Variants in SLX4IP observed in about 807,000 individuals in gnomAD.
SLX4IP encodes the protein protein SLX4IP.
Under a neutral mutation model 32.9 loss-of-function variants are expected in SLX4IP, and 34 were observed. That is an observed-to-expected ratio of 1.03 (90% CI 0.79 to 1.38). The LOEUF is 1.38. Among genes scored for constraint, SLX4IP ranks in the 40% most tolerant of loss-of-function variants. SLX4IP has a pLI of 0.00. For missense variants in SLX4IP, 444 were observed against 479.0 expected (o/e 0.93, Z 0.68); for synonymous variants, 172 against 171.7 (o/e 1.00, Z -0.01).
At chr20:10,616,137 T>C (rs1449826266) in intron 6 of SLX4IP, among the ~76,000 whole-genome samples, 1 of 152,168 alleles carries the variant, frequency 6.6e-6, no homozygotes, top group Non-Finnish European at 1.5e-5. Flanking sequence ...CCAAAGATTG[T>C]CGAGTCACCA....
intron 4 of SLX4IP, among the ~76,000 whole-genome samples, chr20:10,586,721 GA>G (rs1313574498): frequency 6.6e-6 from 1 of 151,928 alleles, no homozygotes; most frequent in Non-Finnish European, 1.5e-5. Flanking sequence ...TATTAGTAAT[GA>G]AAAAAGACAT....
chr20:10,546,551 A>G (rs1370187788), intron 2 of SLX4IP, among the ~76,000 whole-genome samples: 4 of 151,866 alleles, frequency 2.6e-5, no homozygotes, highest in African/African-American at 9.7e-5. Flanking sequence ...AAAAAAAGAG[A>G]AAAGCAGCCA....
intron 2 of SLX4IP, among the ~76,000 whole-genome samples, chr20:10,538,007 G>A (rs2066063757): frequency 6.6e-6 from 1 of 152,158 alleles, no homozygotes; most frequent in Non-Finnish European, 1.5e-5. Context: ...AGCTGGCCAG[G>A]TGATGAATCA....
intron 1 of SLX4IP, among the ~76,000 whole-genome samples, chr20:10,438,634 T>C (rs1294118817): frequency 6.6e-6 from 1 of 151,742 alleles, no homozygotes; most frequent in Non-Finnish European, 1.5e-5. Context: ...TCCTTCACCA[T>C]GCCCAGCTAA....
At chr20:10,449,759 C>T (rs1568685867) in intron 1 of SLX4IP, among the ~76,000 whole-genome samples, 1 of 152,096 alleles carries the variant, frequency 6.6e-6, no homozygotes, top group Non-Finnish European at 1.5e-5. Flanking sequence ...CTAAAATATT[C>T]AGAATATAGA....
At chr20:10,601,327 A>G (rs1282484525) in intron 5 of SLX4IP, among the ~76,000 whole-genome samples, 1 of 152,218 alleles carries the variant, frequency 6.6e-6, no homozygotes, top group Non-Finnish European at 1.5e-5. Flanking sequence ...AAACATTGAT[A>G]GGTCACATTT....
intron 2 of SLX4IP, among the ~76,000 whole-genome samples, chr20:10,469,864 C>T (rs2122360579): frequency 6.6e-6 from 1 of 152,310 alleles, no homozygotes; most frequent in East Asian, 1.9e-4. Context: ...CATCCCTAGC[C>T]TTTTATGAAT....
chr20:10,486,098 T>C (rs1260501137), intron 2 of SLX4IP, among the ~76,000 whole-genome samples: 1 of 152,132 alleles, frequency 6.6e-6, no homozygotes, highest in Non-Finnish European at 1.5e-5. Flanking sequence ...GGGTTAACTG[T>C]ATATTCAAGA....
At chr20:10,613,594 G>T (rs2066992970) in intron 6 of SLX4IP, 2 of 1,613,122 alleles carry the variant, frequency 1.2e-6, no homozygotes, top group East Asian at 4.5e-5. Flanking sequence ...CCTTCATCAA[G>T]CCCCAACTCC....
chr20:10,602,151 C>T (rs2066849033), intron 6 of SLX4IP, among the ~76,000 whole-genome samples: 1 of 152,224 alleles, frequency 6.6e-6, no homozygotes, highest in African/African-American at 2.4e-5. Flanking sequence ...GCAAAATCCA[C>T]ATGTTTCCAC....
chr20:10,530,451 A>C (rs2065978963), intron 2 of SLX4IP, among the ~76,000 whole-genome samples: 1 of 152,212 alleles, frequency 6.6e-6, no homozygotes, highest in Non-Finnish European at 1.5e-5. Flanking sequence ...AGAGCATCAG[A>C]GGGTAGAAGA....
At chr20:10,456,937 G>A (rs1266910153) in intron 1 of SLX4IP, among the ~76,000 whole-genome samples, 3 of 151,982 alleles carry the variant, frequency 2.0e-5, no homozygotes, top group Non-Finnish European at 4.4e-5. Context: ...TACAAATCTT[G>A]TACTTTTGCT....
chr20:10,547,991 C>T (rs889850241), intron 2 of SLX4IP, among the ~76,000 whole-genome samples: 5 of 152,266 alleles, frequency 3.3e-5, no homozygotes, highest in African/African-American at 1.2e-4. Context: ...AGGACAGACA[C>T]TATGTGTGCA....
intron 2 of SLX4IP, among the ~76,000 whole-genome samples, chr20:10,537,724 T>G (rs942560199): frequency 6.6e-6 from 1 of 152,196 alleles, no homozygotes; most frequent in Non-Finnish European, 1.5e-5. Flanking sequence ...GAGAAGAATC[T>G]TTAAGTTTTA....
At chr20:10,495,894 T>G (rs2065663438) in intron 2 of SLX4IP, among the ~76,000 whole-genome samples, 1 of 152,042 alleles carries the variant, frequency 6.6e-6, no homozygotes, top group South Asian at 2.1e-4. Flanking sequence ...TTTTTTTTTG[T>G]TGTTGTTATT....
chr20:10,462,235 T>G (rs2065343663), intron 2 of SLX4IP, among the ~76,000 whole-genome samples: 1 of 152,068 alleles, frequency 6.6e-6, no homozygotes, highest in African/African-American at 2.4e-5. Context: ...ATTGGAGTTC[T>G]AGAAAGAAAA....
intron 6 of SLX4IP, among the ~76,000 whole-genome samples, chr20:10,611,618 A>C (rs1158010350): frequency 6.6e-6 from 1 of 152,202 alleles, no homozygotes; most frequent in East Asian, 1.9e-4. Flanking sequence ...GATTGGCCTG[A>C]GCCACAGGCC....
chr20:10,519,199 C>A (rs1238108895), intron 2 of SLX4IP, among the ~76,000 whole-genome samples: 1 of 152,094 alleles, frequency 6.6e-6, no homozygotes, highest in Non-Finnish European at 1.5e-5. Context: ...TTAAAAACAG[C>A]TTTATGGAGG....
chr20:10,576,889 T>A (rs1210186874), intron 4 of SLX4IP, among the ~76,000 whole-genome samples: 1 of 152,224 alleles, frequency 6.6e-6, no homozygotes, highest in Non-Finnish European at 1.5e-5. Context: ...AAGTCTGACC[T>A]GGAAGTGTAG....
Sources: allele counts gnomAD v4.1 joint callset (sites outside exome capture counted in the v4.1 genomes callset), GRCh38; gene constraint gnomAD v4.1.1; transcripts MANE v1.5; gene names NCBI Gene and HGNC (gene_info 2026-07-23, HGNC 2026-07-21).